The following CPA6 variants were observed in gnomAD, a reference collection of about 807,000 sequenced individuals.
CPA6 encodes the protein carboxypeptidase B.
A neutral mutation model predicts 63.3 loss-of-function variants in CPA6; 58 were observed. That is an observed-to-expected ratio of 0.92 (90% confidence interval 0.74 to 1.14). CPA6 has a LOEUF of 1.14. Among genes scored for constraint, CPA6 ranks in the 50% most tolerant of loss-of-function variants. CPA6 has a pLI of 0.00. For synonymous variants in CPA6, 185 were observed against 179.0 expected (o/e 1.03, Z -0.27); for missense variants, 565 against 526.6 (o/e 1.07, Z -0.71).
intron 2 of CPA6, among the ~76,000 whole-genome samples, chr8:67,543,573 A>C (rs1400674983): frequency 1.3e-5 from 2 of 152,196 alleles, no homozygotes; most frequent in African/African-American, 4.8e-5. Flanking sequence ...GTTCTGAGGC[A>C]TCCGTTAAGG....
intron 1 of CPA6, among the ~76,000 whole-genome samples, chr8:67,721,870 C>T (rs777975999): frequency 3.3e-5 from 5 of 152,124 alleles, no homozygotes; most frequent in Admixed American, 6.5e-5. Context: ...AAGGTTTCTC[C>T]GTACATAGGG....
At chr8:67,533,936 G>A (rs780967486) in intron 2 of CPA6, among the ~76,000 whole-genome samples, 1 of 152,218 alleles carries the variant, frequency 6.6e-6, no homozygotes, top group Non-Finnish European at 1.5e-5. Context: ...TGTAGGGCAA[G>A]CCACAGTAGG....
chr8:67,742,471 C>G (rs2129004507), intron 1 of CPA6, among the ~76,000 whole-genome samples: 1 of 152,224 alleles, frequency 6.6e-6, no homozygotes, highest in Middle Eastern at 3.4e-3. Flanking sequence ...AGCTAGTTAG[C>G]CCTGAACTTG....
At chr8:67,692,107 C>G (rs779250293) in intron 1 of CPA6, among the ~76,000 whole-genome samples, 26 of 152,016 alleles carry the variant, frequency 1.7e-4, no homozygotes, top group Non-Finnish European at 3.2e-4. Flanking sequence ...GAGGCCGAGG[C>G]CAGCGGATCA....
chr8:67,642,793 T>TCA (rs61054637), intron 1 of CPA6, among the ~76,000 whole-genome samples: 7,007 of 145,106 alleles, frequency 0.048, 184 homozygotes, highest in Middle Eastern at 0.12. Flanking sequence ...GGCCTTTATC[T>TCA]CACACACACA....
In CPA6 at chr8:67,517,962, G is replaced by A; in HGVS notation, c.278C>T (p.Ala93Val). ...GGCTTCCTGTAAGAAGGCTAACAGG[G>A]CTCGGGAACCATTTTGGGGGATATG... is the stretch of plus-strand genomic sequence containing the variant. ...DVHIPQNGSR[A>V]LLAFLQEANI... Residue 93 changes from alanine to valine, a missense_variant, in exon 3 of 11, where the codon GCC becomes GTC. Physicochemically the swap from Ala to Val is moderately conservative, Grantham distance 64. Coordinates refer to ENST00000297770, the MANE Select transcript of CPA6 (RefSeq NM_020361.5). 2 of 1,612,862 alleles carry A rather than the reference G, an allele frequency of 1.2e-6. No individual in the cohort carries two copies. Among genetic ancestry groups the A allele is most frequent in the South Asian group, 1.1e-5 (1 of 90,800 alleles).
intron 8 of CPA6, among the ~76,000 whole-genome samples, chr8:67,470,278 C>T (rs1811028992): frequency 6.6e-6 from 1 of 152,090 alleles, no homozygotes; most frequent in Non-Finnish European, 1.5e-5. Context: ...GATCCACCCA[C>T]CTCAGCCTCC....
intron 2 of CPA6, among the ~76,000 whole-genome samples, chr8:67,531,338 G>A (rs1403489188): frequency 6.6e-6 from 1 of 151,924 alleles, no homozygotes; most frequent in East Asian, 1.9e-4. Flanking sequence ...CATGTATGTT[G>A]AATAAAAATA....
chr8:67,587,756 G>T (rs1813985924), intron 2 of CPA6, among the ~76,000 whole-genome samples: 1 of 152,114 alleles, frequency 6.6e-6, no homozygotes, highest in South Asian at 2.1e-4. Context: ...GTAGGTAAAG[G>T]CTTACTAATT....
chr8:67,697,064 G>A (rs1341198138), intron 1 of CPA6, among the ~76,000 whole-genome samples: 1 of 152,164 alleles, frequency 6.6e-6, no homozygotes, highest in East Asian at 1.9e-4. Context: ...TTGCCCTGAG[G>A]AAATAGTCTC....
chr8:67,617,581 C>T (rs929377262), intron 2 of CPA6, among the ~76,000 whole-genome samples: 7 of 152,160 alleles, frequency 4.6e-5, no homozygotes, highest in Non-Finnish European at 1.0e-4. Context: ...CATAATGCTC[C>T]TGTGTATCTT....
chr8:67,533,412 G>A (rs1812518478), intron 2 of CPA6, among the ~76,000 whole-genome samples: 1 of 152,222 alleles, frequency 6.6e-6, no homozygotes, highest in South Asian at 2.1e-4. Flanking sequence ...CATTCTTGAT[G>A]CTATAGACTG....
chr8:67,528,555 G>A (rs1408714359), intron 2 of CPA6, among the ~76,000 whole-genome samples: 2 of 152,082 alleles, frequency 1.3e-5, no homozygotes, highest in Non-Finnish European at 2.9e-5. Flanking sequence ...GACCAGTCTA[G>A]ACATAGACCC....
chr8:67,519,481 G>T (rs190794901), intron 2 of CPA6, among the ~76,000 whole-genome samples: 6 of 152,184 alleles, frequency 3.9e-5, no homozygotes, highest in African/African-American at 1.2e-4. Context: ...CCTGCATTCT[G>T]TTAGGAACTC....
At chr8:67,682,806 T>C (rs1225777766) in intron 1 of CPA6, among the ~76,000 whole-genome samples, 2 of 152,198 alleles carry the variant, frequency 1.3e-5, no homozygotes, top group Non-Finnish European at 2.9e-5. Context: ...TATGAGGATT[T>C]TCTACTCTGG....
chr8:67,503,297 C>G (rs115910675), intron 6 of CPA6, among the ~76,000 whole-genome samples: 1,682 of 150,818 alleles, frequency 0.011, 38 homozygotes, highest in African/African-American at 0.037. Flanking sequence ...CCTAGGCCTC[C>G]CAGAGTCTTA....
intron 1 of CPA6, among the ~76,000 whole-genome samples, chr8:67,669,488 A>T (rs964937734): frequency 1.1e-4 from 16 of 152,258 alleles, no homozygotes; most frequent in African/African-American, 3.9e-4. Flanking sequence ...AAACAAAAGC[A>T]TTTCCAGGTT....
At chr8:67,462,710 A>C (rs1410348391) in intron 8 of CPA6, among the ~76,000 whole-genome samples, 4 of 152,204 alleles carry the variant, frequency 2.6e-5, no homozygotes, top group Non-Finnish European at 5.9e-5. Context: ...AAATTATAAG[A>C]GTATCAATAC....
chr8:67,699,431 TCAAAA>T (rs901811657), intron 1 of CPA6, among the ~76,000 whole-genome samples: 29 of 151,438 alleles, frequency 1.9e-4, no homozygotes, highest in African/African-American at 6.8e-4. Flanking sequence ...AGACTCTGTC[TCAAAA>T]CAAAACAAAA....
Sources: gnomAD v4.1 joint callset for allele counts (sites outside exome capture counted in the v4.1 genomes callset) on GRCh38, gnomAD v4.1.1 for gene constraint, MANE v1.5 for transcripts, NCBI Gene and HGNC (gene_info 2026-07-23, HGNC 2026-07-21) for gene names.